SPTBN1: variants seen among roughly 807,000 people sequenced by gnomAD.
SPTBN1 encodes the protein spectrin beta, non-erythrocytic 1.
A neutral mutation model predicts 266.4 loss-of-function variants in SPTBN1; 32 were observed. The ratio of observed to expected loss-of-function variants is 0.12; its 90% confidence interval spans 0.09 to 0.16. SPTBN1 has a LOEUF of 0.16. Among genes scored for constraint, SPTBN1 ranks in the 10% least tolerant of loss-of-function variants. The pLI is 1.00. For synonymous variants in SPTBN1, 1,336 were observed against 1,162.2 expected, an observed-to-expected ratio of 1.15 and a Z score of -3.04; for missense variants, 2,296 against 3,067.1, an observed-to-expected ratio of 0.75 and a Z score of 5.94.
chr2:54,459,971 G>A (rs936036983), intron 1 of SPTBN1, among the ~76,000 whole-genome samples: 21 of 152,036 alleles, frequency 1.4e-4, no homozygotes, highest in Non-Finnish European at 2.8e-4. Flanking sequence ...TCTACTCAGT[G>A]GTTAAAGGAA....
Position 54,670,553 on chromosome 2 carries a change from G to T in SPTBN1, c.*1984G>T. 2 of 396,758 alleles carry T rather than the reference G, an allele frequency of 5.0e-6. No individual in the cohort carries two copies. Among genetic ancestry groups the T allele is most frequent in the Non-Finnish European group, 8.9e-6 (2 of 225,368 alleles). 24.6% of individuals were successfully genotyped at this position (396,758 alleles called of 1,614,324 possible). On this transcript the variant is annotated 3_prime_UTR_variant, in exon 36 of 36. Transcript: ENST00000356805. ...TTTGCCCTTGCCATGCTCAGGGTTG[G>T]AATCAAGTTGTTCTATTCTCAACAG...
chr2:54,588,996 A>G (rs958112141), intron 2 of SPTBN1, among the ~76,000 whole-genome samples: 1 of 152,170 alleles, frequency 6.6e-6, no homozygotes, highest in African/African-American at 2.4e-5. Context: ...ATGTTTTAAT[A>G]TAGGTATGTG....
At chr2:54,505,491 A>T (rs763008408) in intron 1 of SPTBN1, among the ~76,000 whole-genome samples, 1 of 152,020 alleles carries the variant, frequency 6.6e-6, no homozygotes, top group African/African-American at 2.4e-5. Flanking sequence ...GTACCTCCTA[A>T]CCCCTAGCCA....
At chr2:54,650,017 T>TG in intron 26 of SPTBN1, 28 bp downstream of exon 26, 3 of 1,577,516 alleles carry the variant, frequency 1.9e-6, no homozygotes, top group Non-Finnish European at 2.6e-6. Context: ...CCAGGGGTGC[T>TG]GGGGAGGCTT....
Position 54,526,639 on chromosome 2 carries a change from G to A in SPTBN1, c.148+73G>A, listed in dbSNP as rs189318039. ...GATGCCCCTTAAAATCATCCACCCT[G>A]TTCCCATGACGCTGTCATGTTCGAA... On this transcript the variant is annotated intron_variant, in intron 2 of 35. Coordinates refer to ENST00000356805, the MANE Select transcript of SPTBN1 (RefSeq NM_003128.3). 282 of 1,518,552 alleles carry A rather than the reference G, an allele frequency of 1.9e-4. 2 individuals carry two copies. Among genetic ancestry groups the A allele is most frequent in the Admixed American group, 4.2e-4 (21 of 49,580 alleles). The allele number at this position is 1,518,552 out of a possible 1,614,324, so 94.1% of individuals were successfully genotyped here.
intron 2 of SPTBN1, among the ~76,000 whole-genome samples, chr2:54,573,254 A>G (rs1573444476): frequency 6.6e-6 from 1 of 152,320 alleles, no homozygotes; most frequent in East Asian, 1.9e-4. Flanking sequence ...CTGGTTTTGT[A>G]GAAGACAATT....
chr2:54,657,782 G>C (rs1418343102), intron 29 of SPTBN1, 68 bp from the exon 30 acceptor site: 1 of 1,592,604 alleles, frequency 6.3e-7, no homozygotes, highest in African/African-American at 1.3e-5. Context: ...GCAGTGCCAA[G>C]AGGTAAGGCC....
intron 32 of SPTBN1, chr2:54,661,183 GTATC>G (rs1347744135): frequency 1.0e-6 from 1 of 985,344 alleles, no homozygotes; most frequent in Non-Finnish European, 1.2e-6. Context: ...TTTTAGGATG[GTATC>G]TATCAGGCCA....
intron 1 of SPTBN1, among the ~76,000 whole-genome samples, chr2:54,483,791 A>G (rs932188524): frequency 1.3e-5 from 2 of 152,106 alleles, no homozygotes; most frequent in African/African-American, 4.8e-5. Flanking sequence ...CTGTTTTGTC[A>G]TTGTCTGCTG....
rs537321829 is a variant in SPTBN1 at position 54,525,310 on chromosome 2, T to A, written c.-47-1062T>A. Among the ~76,000 whole-genome samples the A allele has an allele frequency of 1.2e-4, 18 of 152,322 alleles. No homozygotes were observed. In the South Asian group the frequency reaches 2.9e-3, roughly 25 times the overall value. ...CCCAGGTTAGAGTGCAATGGTATGA[T>A]GTCGGCTCAACCAAAACCTCCGGCT... On this transcript the variant is annotated intron_variant, in intron 1 of 35. Coordinates refer to ENST00000356805, the MANE Select transcript of SPTBN1 (RefSeq NM_003128.3).
chr2:54,558,715 G>C lies in SPTBN1; in HGVS notation c.148+32149G>C. 1.9e-6 allele frequency: 3 copies of C among 1,577,062 alleles called. No homozygotes were observed. Among genetic ancestry groups the C allele is most frequent in the Non-Finnish European group, 2.6e-6 (3 of 1,157,150 alleles). On this transcript the variant is annotated intron_variant, in intron 2 of 35. Coordinates refer to ENST00000356805, the MANE Select transcript of SPTBN1 (RefSeq NM_003128.3). This position sits in a 1 kb window ranked among gnomAD's most constrained non-coding sequence, Gnocchi z 4.6. ...GCGGAGGCTGCTGCGTGTTGGATGGGAGTGGGAGGGGGCTGGAGCGAGATT... is the reference window on the plus strand; with the variant it reads ...GCGGAGGCTGCTGCGTGTTGGATGGCAGTGGGAGGGGGCTGGAGCGAGATT...
intron 1 of SPTBN1, among the ~76,000 whole-genome samples, chr2:54,494,186 T>C (rs1487594551): frequency 6.6e-6 from 1 of 152,234 alleles, no homozygotes; most frequent in African/African-American, 2.4e-5. Flanking sequence ...AATGTGAATA[T>C]TTTAAAAATT....
Position 54,533,791 on chromosome 2 carries a change from TC to T in SPTBN1, c.148+7227del, listed in dbSNP as rs1025726435. 3.3e-5 allele frequency among the ~76,000 whole-genome samples: 5 copies of T among 152,320 alleles called. No individual in the cohort carries two copies. Among genetic ancestry groups the T allele is most frequent in the African/African-American group, 1.2e-4 (5 of 41,556 alleles). On this transcript the variant is annotated intron_variant, in intron 2 of 35. Transcript: ENST00000356805. This position sits in a 1 kb window ranked among gnomAD's most constrained non-coding sequence, Gnocchi z 4.2. ...GTCTCGAACTCCTGACCCCAGGTGA[TC>T]CGCCCGCCTTGGCCTCCCAAAGTGC...
At chr2:54,580,789 T>TAATAAAAATTATA (rs1219844835) in intron 2 of SPTBN1, among the ~76,000 whole-genome samples, 1 of 152,082 alleles carries the variant, frequency 6.6e-6, no homozygotes, top group African/African-American at 2.4e-5. Flanking sequence ...CTTTATTTTT[T>TAATAAAAATTATA]AATAAAAATT....
intron 18 of SPTBN1, among the ~76,000 whole-genome samples, chr2:54,642,626 C>T (rs1293891983): frequency 2.0e-5 from 3 of 149,416 alleles, no homozygotes; most frequent in African/African-American, 7.5e-5. Flanking sequence ...ATAGCTGACA[C>T]AGGTATTTGG....
chr2:54,560,187 T>TCGGG (rs1673191043), intron 2 of SPTBN1, among the ~76,000 whole-genome samples: 1 of 114,336 alleles, frequency 8.7e-6, no homozygotes, highest in African/African-American at 3.2e-5. Context: ...GGAGTTGGGG[T>TCGGG]GGGGGGGGGC....
At position 54,642,908 on chromosome 2, in the gene SPTBN1, A is replaced by T. The variant is rs1679671548; in HGVS notation, c.3859-75A>T. 4 of 1,554,000 alleles carry T rather than the reference A, an allele frequency of 2.6e-6. No homozygotes were observed. The Admixed American group carries it at 7.6e-5, about 29-fold the overall frequency. On this transcript the variant is annotated intron_variant, in intron 18 of 35. Transcript: ENST00000356805. ...GTGTAGTATGCATAATATGACATAA[A>T]CACAACCCTTTCCAGGCGGAAAAAA...
intron 3 of SPTBN1, among the ~76,000 whole-genome samples, chr2:54,610,296 TC>T (rs1677129237): frequency 6.6e-6 from 1 of 152,258 alleles, no homozygotes. Context: ...CAGCCTTAGA[TC>T]CTTCACCTTC....
At chr2:54,644,641 C>T in intron 20 of SPTBN1, 55 bp downstream of exon 20, 1 of 1,537,452 alleles carries the variant, frequency 6.5e-7, no homozygotes, top group Non-Finnish European at 8.8e-7. Context: ...CAGCCATAGT[C>T]CTTAGAGTCT....
Sources: allele counts gnomAD v4.1 joint callset (sites outside exome capture counted in the v4.1 genomes callset), GRCh38; gene constraint gnomAD v4.1.1; non-coding constraint Gnocchi (gnomAD v3.1); transcripts MANE v1.5; gene names NCBI Gene and HGNC (gene_info 2026-07-23, HGNC 2026-07-21).